COPS7B: variants seen among roughly 807,000 people sequenced by gnomAD.
COPS7B encodes COP9 signalosome complex subunit 7b.
A neutral mutation model predicts 33.4 loss-of-function variants in COPS7B; 9 were observed. The ratio of observed to expected loss-of-function variants is 0.27; its 90% CI spans 0.16 to 0.47. The LOEUF (loss-of-function observed/expected upper bound fraction) is 0.47, where lower values mean the gene tolerates loss of function less well. Ranked by LOEUF, COPS7B falls within the 20% of genes least tolerant of loss-of-function variation. The pLI, the probability that COPS7B is intolerant of heterozygous loss-of-function variation, is 0.99. For synonymous variants in COPS7B, 119 were observed against 126.3 expected (o/e 0.94, Z 0.39); for missense variants, 242 against 318.2 (o/e 0.76, Z 1.82).
upstream of COPS7B, among the ~76,000 whole-genome samples, chr2:231,784,516 A>G (rs1269361372): frequency 6.6e-6 from 1 of 152,056 alleles, no homozygotes; most frequent in African/African-American, 2.4e-5. Context: ...CTAAATCCAA[A>G]TTGCAGCCAT....
At chr2:231,790,620 T>C (rs1011808268) in intron 2 of COPS7B, 1 of 152,236 alleles carries the variant, frequency 6.6e-6, no homozygotes, top group African/African-American at 2.4e-5. Flanking sequence ...TTTTTTTTAA[T>C]GGCTAAAATT....
At chr2:231,781,987 T>G, upstream of COPS7B, 2 of 1,111,178 alleles carry the variant, frequency 1.8e-6, no homozygotes, top group Non-Finnish European at 2.6e-6. Flanking sequence ...GCCTTTTACA[T>G]GTATTTCAGG....
intron 2 of COPS7B, chr2:231,791,289 C>G (rs2049409594): frequency 1.2e-5 from 2 of 172,690 alleles, no homozygotes; most frequent in East Asian, 1.7e-4. Context: ...GGTTCATAGT[C>G]CACGTGTAGT....
intron 1 of COPS7B, among the ~76,000 whole-genome samples, chr2:231,786,810 C>G (rs531264404): frequency 1.3e-5 from 2 of 152,342 alleles, no homozygotes; most frequent in South Asian, 2.1e-4. Flanking sequence ...TTGCCCCTCT[C>G]CAGTCCATCC....
chr2:231,796,438 G>A, intron 5 of COPS7B, 130 bp downstream of exon 5: 5 of 716,474 alleles, frequency 7.0e-6, no homozygotes, highest in Non-Finnish European at 1.2e-5. Flanking sequence ...GGCTTAGTGA[G>A]CCGGAGAGTG....
chr2:231,795,492 T>C (rs1288686491), intron 4 of COPS7B, among the ~76,000 whole-genome samples: 2 of 152,238 alleles, frequency 1.3e-5, no homozygotes, highest in East Asian at 3.8e-4. Context: ...CTGACCTTTT[T>C]TCTTGTACTG....
At chr2:231,792,661 T>C (rs1007024417) in intron 3 of COPS7B, among the ~76,000 whole-genome samples, 3 of 152,202 alleles carry the variant, frequency 2.0e-5, no homozygotes, top group Admixed American at 6.5e-5. Context: ...ATATTTTAAG[T>C]CTTTTTAATA....
chr2:231,808,612 A>G lies in COPS7B; in HGVS notation c.*967A>G, dbSNP rs1192446613. The G allele has an allele frequency of 2.0e-5, 9 of 449,896 alleles. No individual in the cohort carries two copies. The Admixed American group carries it at 2.4e-4, about 12-fold the overall frequency. 27.9% of individuals were successfully genotyped at this position (449,896 alleles called of 1,614,324 possible). A position where few individuals can be genotyped will look rare whatever the true frequency, so the allele number is the denominator to read the frequency against. Reference sequence around the variant, plus strand: ...CCTCTGATGATGGCATTCTCCTGGCAAGAGAAAAAGACTTAACTAGACTTC... The same window carrying G: ...CCTCTGATGATGGCATTCTCCTGGCGAGAGAAAAAGACTTAACTAGACTTC... On this transcript the variant is annotated 3_prime_UTR_variant, in exon 7 of 7. Coordinates refer to ENST00000350033, the MANE Select transcript of COPS7B (RefSeq NM_022730.4).
chr2:231,800,837 T>C (rs1470709735), intron 6 of COPS7B, among the ~76,000 whole-genome samples: 1 of 152,254 alleles, frequency 6.6e-6, no homozygotes, highest in Non-Finnish European at 1.5e-5. Context: ...TTAGAAAATC[T>C]GAACCAGACC....
Position 231,796,221 on chromosome 2 carries a change from G to A in COPS7B, c.443G>A (p.Arg148Gln), listed in dbSNP as rs147144693. The A allele has an allele frequency of 3.1e-6, 5 of 1,614,016 alleles. No individual in the cohort carries two copies. Among genetic ancestry groups the A allele is most frequent in the South Asian group, 2.2e-5 (2 of 91,086 alleles). ...ATCATCCAGGGCAAGCTGGACCAGC[G>A]AAACCAGCTGCTGGAAGTGGATTTC... ...TDIIQGKLDQ[R>Q]NQLLEVDFCI... The change falls in exon 5 of 7, where the codon CGA (arginine) becomes CAA (glutamine). Residue 148 changes from arginine (R) to glutamine (Q), a missense_variant. By Grantham distance (43) the Arg-to-Gln change is conservative. Transcript: ENST00000350033.
rs1474988960 is a variant in COPS7B at position 231,808,924 on chromosome 2, T to C, written c.*1279T>C. 6.4e-6 allele frequency: 1 copy of C among 155,582 alleles called. No individual in the cohort carries two copies. The highest frequency in any genetic ancestry group is 1.4e-5 in the Non-Finnish European group (1 of 70,716). The allele number at this position is 155,582 out of a possible 1,614,324, so 9.6% of individuals were successfully genotyped here. On this transcript the variant is annotated 3_prime_UTR_variant, in exon 7 of 7. Transcript: ENST00000350033. ...AAAATAAAAGTGTAGATTTAATGTA[T>C]GTGACTGGGGTTTGGGGTTGCATAC...
intron 6 of COPS7B, among the ~76,000 whole-genome samples, chr2:231,802,020 C>T (rs758704130): frequency 2.0e-5 from 3 of 152,172 alleles, no homozygotes; most frequent in Non-Finnish European, 4.4e-5. Context: ...AGTGATCCGC[C>T]TGCCTCGGTC....
At chr2:231,801,639 T>C (rs2049749354) in intron 6 of COPS7B, among the ~76,000 whole-genome samples, 4 of 151,244 alleles carry the variant, frequency 2.6e-5, no homozygotes, top group African/African-American at 9.7e-5. Context: ...TCTTTTTTTT[T>C]TTTTTTTTAG....
intron 4 of COPS7B, among the ~76,000 whole-genome samples, chr2:231,795,718 T>C (rs914991698): frequency 6.6e-6 from 1 of 152,220 alleles, no homozygotes; most frequent in Admixed American, 6.5e-5. Context: ...GCCAGCTCTT[T>C]CCAGTGACTG....
At chr2:231,783,208 AT>A, upstream of COPS7B, among the ~76,000 whole-genome samples, 1 of 152,194 alleles carries the variant, frequency 6.6e-6, no homozygotes, top group African/African-American at 2.4e-5. Flanking sequence ...TTGGGTTGTT[AT>A]TTTTTGGACT....
Position 231,807,646 on chromosome 2 carries a change from G to C in COPS7B, c.*1G>C. On this transcript the variant is annotated 3_prime_UTR_variant, in exon 7 of 7. Coordinates refer to ENST00000350033, the MANE Select transcript of COPS7B (RefSeq NM_022730.4). ...AGGTCTGGTCTCCAGCCGCCACTAG[G>C]GCCGGCTGGGGCAGCTGGCACTCAC... 1 of 1,549,278 alleles carries C rather than the reference G, an allele frequency of 6.5e-7. No homozygotes were observed. The highest frequency in any genetic ancestry group is 8.7e-7 in the Non-Finnish European group (1 of 1,146,504).
At chr2:231,803,141 C>T (rs2049795421) in intron 6 of COPS7B, among the ~76,000 whole-genome samples, 1 of 152,268 alleles carries the variant, frequency 6.6e-6, no homozygotes. Context: ...TGTGGGAGGC[C>T]ATCGAAGAGG....
At chr2:231,785,024 C>T (rs2049205686), upstream of COPS7B, among the ~76,000 whole-genome samples, 1 of 152,166 alleles carries the variant, frequency 6.6e-6, no homozygotes. Context: ...TGGCCCAGGC[C>T]GGTCTCGAAC....
chr2:231,793,587 C>T (rs1415963848), intron 3 of COPS7B: 6 of 152,170 alleles, frequency 3.9e-5, no homozygotes, highest in African/African-American at 1.4e-4. Context: ...GCCTCTTTCT[C>T]AAGGCTCAAC....
Sources: gnomAD v4.1 joint callset for allele counts (sites outside exome capture counted in the v4.1 genomes callset) on GRCh38, gnomAD v4.1.1 for gene constraint, MANE v1.5 for transcripts, NCBI Gene and HGNC (gene_info 2026-07-23, HGNC 2026-07-21) for gene names.